Variants in NUDT2 observed in about 807,000 individuals in gnomAD.
NUDT2 encodes the protein nudix hydrolase 2, also known as bis(5'-nucleosyl)-tetraphosphatase [asymmetrical].
Under a neutral mutation model 14.2 loss-of-function variants are expected in NUDT2, and 12 were observed. That is an observed-to-expected ratio of 0.84 (90% CI 0.54 to 1.37). The LOEUF is 1.37. NUDT2 is among the 40% of genes most tolerant of loss of function. The pLI, the probability that NUDT2 is intolerant of heterozygous loss-of-function variation, is 0.00. For synonymous variants in NUDT2, 67 were observed against 67.4 expected, an observed-to-expected ratio of 0.99 and a Z score of 0.03; for missense variants, 167 against 176.7, an observed-to-expected ratio of 0.95 and a Z score of 0.31.
intron 2 of NUDT2, among the ~76,000 whole-genome samples, chr9:34,336,918 T>C (rs1423927932): frequency 6.6e-6 from 1 of 152,116 alleles, no homozygotes; most frequent in Admixed American, 6.6e-5. Context: ...TATTCCCATA[T>C]TGATGGATAT....
At chr9:34,332,449 C>T (rs1325892038) in intron 1 of NUDT2, among the ~76,000 whole-genome samples, 2 of 152,202 alleles carry the variant, frequency 1.3e-5, no homozygotes, top group East Asian at 1.9e-4. Flanking sequence ...GAAGTTGGTG[C>T]TTGGTAGTAT....
At chr9:34,342,598 A>G (rs1021901693) in intron 4 of NUDT2, among the ~76,000 whole-genome samples, 2 of 152,130 alleles carry the variant, frequency 1.3e-5, no homozygotes, top group Non-Finnish European at 2.9e-5. Flanking sequence ...CTCTCTGCAG[A>G]GAAGAGGGAA....
At chr9:34,336,063 T>C (rs1387280733) in intron 1 of NUDT2, among the ~76,000 whole-genome samples, 166 bp from the exon 2 acceptor site, 1 of 152,074 alleles carries the variant, frequency 6.6e-6, no homozygotes, top group Non-Finnish European at 1.5e-5. Flanking sequence ...GACCTTCTAG[T>C]CTTGGATCCC....
rs182175986 is a variant in NUDT2 at position 34,335,441 on chromosome 9, G to A, written c.-264-788G>A. Among the ~76,000 whole-genome samples the A allele has an allele frequency of 1.3e-3, 191 of 152,302 alleles. 1 individual carries two copies. Among genetic ancestry groups the A allele is most frequent in the East Asian group, 9.6e-3 (50 of 5,190 alleles). On this transcript the variant is annotated intron_variant, in intron 1 of 4. Transcript: ENST00000379158. ...TCTTTAGTTTTCTGTCACTCATAGC[G>A]TTTGCTTCCCTGATTGAACTTTAAA...
chr9:34,343,111 T>C lies in NUDT2; in HGVS notation c.128-13T>C, dbSNP rs1207703805. The C allele has an allele frequency of 6.3e-7, 1 of 1,578,234 alleles. No individual in the cohort carries two copies. The highest frequency in any genetic ancestry group is 1.4e-5 in the African/African-American group (1 of 73,576). ...ATTTCCTCCTCCTTTTCTTCCTCTTTTCTCCTAACTAGGCCATGTGGAACC... is the reference window on the plus strand; with the variant it reads ...ATTTCCTCCTCCTTTTCTTCCTCTTCTCTCCTAACTAGGCCATGTGGAACC... On this transcript the variant is annotated splice_polypyrimidine_tract_variant and intron_variant, in intron 4 of 4. Coordinates refer to ENST00000379158, the MANE Select transcript of NUDT2 (RefSeq NM_001161.5).
In NUDT2 at chr9:34,339,074, G is replaced by A. The variant is rs769837247; in HGVS notation, c.35G>A (p.Arg12Gln). The A allele has an allele frequency of 2.0e-5, 33 of 1,613,902 alleles. No homozygotes were observed. The highest frequency in any genetic ancestry group is 8.9e-5 in the East Asian group (4 of 44,896). ...ALRACGLIIF[R>Q]RCLIPKVDNN... ...AGAGCATGTGGCTTGATCATCTTCCGAAGATGCCTCATTCCCAAAGTGGAC... is the reference window on the plus strand; with the variant it reads ...AGAGCATGTGGCTTGATCATCTTCCAAAGATGCCTCATTCCCAAAGTGGAC... The change falls in exon 4 of 5, where the codon CGA becomes CAA. Residue 12 changes from arginine (R) to glutamine (Q), a missense_variant. Arg to Gln is a conservative substitution (Grantham distance 43, BLOSUM62 1). Transcript: ENST00000379158.
In NUDT2 at chr9:34,343,211, T is replaced by C. The variant is rs1324853675; in HGVS notation, c.215T>C (p.Ile72Thr). The C allele has an allele frequency of 1.2e-6, 2 of 1,614,066 alleles. No homozygotes were observed. Among genetic ancestry groups the C allele is most frequent in the Admixed American group, 3.3e-5 (2 of 59,976 alleles). The change falls in exon 5 of 5, where the codon ATT becomes ACT. Residue 72 changes from isoleucine (I) to threonine (T), a missense_variant. Transcript: ENST00000379158. ...EAGIEAGQLT[I>T]IEGFKRELNY... ...GGCATAGAAGCAGGCCAGCTGACCA[T>C]TATTGAGGGGTTCAAAAGGGAACTC...
chr9:34,334,398 G>A (rs536045632), intron 1 of NUDT2, among the ~76,000 whole-genome samples: 2 of 152,166 alleles, frequency 1.3e-5, no homozygotes, highest in South Asian at 2.1e-4. Context: ...TCTCACCTCC[G>A]CAATCCTGGC....
At position 34,343,429 on chromosome 9, in the gene NUDT2, A is replaced by G. The variant is rs915497117; in HGVS notation, c.433A>G (p.Ile145Val). The G allele has an allele frequency of 6.3e-7, 1 of 1,595,896 alleles. No homozygotes were observed. Among genetic ancestry groups the G allele is most frequent in the Non-Finnish European group, 8.5e-7 (1 of 1,170,034 alleles). The change falls in exon 5 of 5, where the codon ATA (isoleucine) becomes GTA (valine). Residue 145 changes from isoleucine to valine, a missense_variant. Coordinates refer to ENST00000379158, the MANE Select transcript of NUDT2 (RefSeq NM_001161.5). ...AGAAGGACACCAGTTTCTTTGCTCCATAGAGGCCTGAGCTGACTGGAGCAG... is the reference window on the plus strand; with the variant it reads ...AGAAGGACACCAGTTTCTTTGCTCCGTAGAGGCCTGAGCTGACTGGAGCAG... ...LQEGHQFLCSIEA is the reference protein window; with the variant it reads ...LQEGHQFLCSVEA
intron 1 of NUDT2, among the ~76,000 whole-genome samples, chr9:34,335,251 C>A (rs985540599): frequency 6.6e-6 from 1 of 152,192 alleles, no homozygotes; most frequent in Non-Finnish European, 1.5e-5. Flanking sequence ...AGTTTGTTCT[C>A]AGAGGTTCCA....
chr9:34,338,327 T>TAAAA (rs61594121), intron 2 of NUDT2, among the ~76,000 whole-genome samples: 2,415 of 33,626 alleles, frequency 0.072, 377 homozygotes, highest in Non-Finnish European at 0.082. Context: ...ACCCTGTCTC[T>TAAAA]AAAAAAAAAA....
At chr9:34,337,849 C>CT (rs1356453518) in intron 2 of NUDT2, among the ~76,000 whole-genome samples, 1 of 151,926 alleles carries the variant, frequency 6.6e-6, no homozygotes, top group East Asian at 1.9e-4. Context: ...AGGACCACTT[C>CT]TTTTTTTGAG....
rs1423500452 is a variant in NUDT2, at chr9:34,338,842, A to C, written c.-22A>C. The C allele has an allele frequency of 1.4e-5, 7 of 485,462 alleles. No homozygotes were observed. The highest frequency in any genetic ancestry group is 2.6e-5 in the Non-Finnish European group (7 of 268,218). The allele number at this position is 485,462 out of a possible 1,614,324, so 30.1% of individuals were successfully genotyped here. Reference sequence around the variant, plus strand: ...AGTTGCCAGGGTCCTGCAGTTATACACAAAGGTCAGTCTCTGATTCCTGGA... The same window carrying C: ...AGTTGCCAGGGTCCTGCAGTTATACCCAAAGGTCAGTCTCTGATTCCTGGA... On this transcript the variant is annotated 5_prime_UTR_variant, in exon 3 of 5. Transcript: ENST00000379158.
intron 4 of NUDT2, among the ~76,000 whole-genome samples, chr9:34,340,554 T>C (rs1397152045): frequency 2.0e-5 from 3 of 152,228 alleles, no homozygotes; most frequent in African/African-American, 7.2e-5. Flanking sequence ...CAGTGAAGAC[T>C]ACTGGCCTGA....
rs373393372 is a variant in NUDT2 at position 34,339,151 on chromosome 9, T to C, written c.112T>C (p.Trp38Arg). ...LLQASDGIHH[W>R]TPPKGHVEPG... ...GCAGGCATCAGATGGCATTCATCACTGGACTCCTCCCAAAGGTAGAGGCCA... is the reference window on the plus strand; with the variant it reads ...GCAGGCATCAGATGGCATTCATCACCGGACTCCTCCCAAAGGTAGAGGCCA... The change falls in exon 4 of 5, where the codon TGG (tryptophan) becomes CGG (arginine). Residue 38 changes from tryptophan (W) to arginine (R), a missense_variant. Coordinates refer to ENST00000379158, the MANE Select transcript of NUDT2 (RefSeq NM_001161.5). 6.2e-7 allele frequency: 1 copy of C among 1,613,692 alleles called. No homozygotes were observed. The highest frequency in any genetic ancestry group is 8.5e-7 in the Non-Finnish European group (1 of 1,179,708).
chr9:34,338,771 A>G lies in NUDT2; in HGVS notation c.-93A>G. 3.8e-6 allele frequency: 1 copy of G among 264,874 alleles called. No homozygotes were observed. The highest frequency in any genetic ancestry group is 7.3e-6 in the Non-Finnish European group (1 of 137,682). The allele number at this position is 264,874 out of a possible 1,614,324, so 16.4% of individuals were successfully genotyped here. ...CAAACACATGCCAGCCCTGTTTTAC[A>G]GGGAGCCCTGGAGGAGTTGGGATAG... On this transcript the variant is annotated 5_prime_UTR_variant, in exon 3 of 5. Coordinates refer to ENST00000379158, the MANE Select transcript of NUDT2 (RefSeq NM_001161.5).
chr9:34,338,327 T>TAAGAAAAAAAAA (rs1838147716), intron 2 of NUDT2, among the ~76,000 whole-genome samples: 1 of 33,736 alleles, frequency 3.0e-5, no homozygotes, highest in African/African-American at 1.7e-4. Context: ...ACCCTGTCTC[T>TAAGAAAAAAAAA]AAAAAAAAAA....
chr9:34,329,961 A>G (rs116060961), intron 1 of NUDT2, among the ~76,000 whole-genome samples: 2 of 152,234 alleles, frequency 1.3e-5, no homozygotes, highest in Admixed American at 1.3e-4. Context: ...GTTGCTACCC[A>G]TTAAACCCCG....
In NUDT2 at chr9:34,337,338, G is replaced by C. The variant is rs139919374; in HGVS notation, c.-152+997G>C. On this transcript the variant is annotated intron_variant, in intron 2 of 4. Transcript: ENST00000379158. ...TCTTAAACCTATATTTCTTATGTGA[G>C]AGTGGCTAGAAATGGAATTGCTGGC... Among the ~76,000 whole-genome samples the C allele has an allele frequency of 2.7e-4, 41 of 152,294 alleles. No homozygotes were observed. In the East Asian group the frequency reaches 7.9e-3, roughly 29 times the overall value.
Sources: allele counts gnomAD v4.1 joint callset (sites outside exome capture counted in the v4.1 genomes callset), GRCh38; gene constraint gnomAD v4.1.1; transcripts MANE v1.5; gene names NCBI Gene and HGNC (gene_info 2026-07-23, HGNC 2026-07-21).